The following PCDHAC1 variants were observed in gnomAD, a reference collection of about 807,000 sequenced individuals.
PCDHAC1 encodes protocadherin alpha subfamily C, 1.
Under a neutral mutation model 60.0 loss-of-function variants are expected in PCDHAC1, and 42 were observed. That is an observed-to-expected ratio of 0.70 (90% CI 0.55 to 0.90). The LOEUF (loss-of-function observed/expected upper bound fraction) is 0.90, where lower values mean the gene tolerates loss of function less well. Ranked by LOEUF, PCDHAC1 falls within the 40% of genes least tolerant of loss-of-function variation. The probability of loss-of-function intolerance (pLI) is 0.00; values close to 1 mark genes in which losing one functional copy is unlikely to be tolerated. For missense variants in PCDHAC1, 1,160 were observed against 1,222.3 expected, an observed-to-expected ratio of 0.95 and a Z score of 0.76; for synonymous variants, 468 against 499.3, an observed-to-expected ratio of 0.94 and a Z score of 0.84.
At chr5:141,002,923 C>A (rs1261794185) in intron 3 of PCDHAC1, among the ~76,000 whole-genome samples, 2 of 152,220 alleles carry the variant, frequency 1.3e-5, no homozygotes, top group Non-Finnish European at 2.9e-5. Flanking sequence ...AAAGTGAACA[C>A]CCTCCAACAC....
chr5:140,966,886 G>T, intron 1 of PCDHAC1: 1 of 1,592,132 alleles, frequency 6.3e-7, no homozygotes. Context: ...CTGGCCCTGC[G>T]GCCTCCCAGC....
chr5:140,933,429 G>A (rs2089147163), intron 1 of PCDHAC1, among the ~76,000 whole-genome samples: 1 of 151,830 alleles, frequency 6.6e-6, no homozygotes, highest in South Asian at 2.1e-4. Flanking sequence ...GTTCATAGGG[G>A]CACTCTAATG....
intron 1 of PCDHAC1, among the ~76,000 whole-genome samples, chr5:140,952,280 G>A (rs1320502466): frequency 2.0e-5 from 3 of 151,652 alleles, no homozygotes; most frequent in Non-Finnish European, 4.4e-5. Context: ...TGAGGGTGGT[G>A]GCCCTCTTCT....
rs782017107 is a variant in PCDHAC1 at position 140,968,690 on chromosome 5, A to G, written c.2434-10259A>G. ...TAAGGTAGAGCTGCACACAGGAGAAATTAGGACTACCAGGAAGATGGGAGA... is the reference window on the plus strand; with the variant it reads ...TAAGGTAGAGCTGCACACAGGAGAAGTTAGGACTACCAGGAAGATGGGAGA... On this transcript the variant is annotated intron_variant, in intron 1 of 3. Transcript: ENST00000253807. 60 of 1,614,030 alleles carry G rather than the reference A, an allele frequency of 3.7e-5. No individual in the cohort carries two copies. The highest frequency in any genetic ancestry group is 4.8e-5 in the Non-Finnish European group (57 of 1,180,040).
chr5:141,007,200 G>T (rs1437076735), intron 3 of PCDHAC1, among the ~76,000 whole-genome samples: 2 of 152,010 alleles, frequency 1.3e-5, no homozygotes, highest in Admixed American at 6.6e-5. Context: ...GATGGTGGGG[G>T]CCAGAATATG....
Position 140,978,942 on chromosome 5 carries a change from T to C in PCDHAC1, c.2434-7T>C, listed in dbSNP as rs781997267. 5 of 1,614,058 alleles carry C rather than the reference T, an allele frequency of 3.1e-6. No individual in the cohort carries two copies. The African/African-American group carries it at 6.7e-5, about 22-fold the overall frequency. ...TTTAACAGAAAACTCTCTTTGTGAT[T>C]TTGCAGCCACGACAGCCCAACCCTG... is the stretch of plus-strand genomic sequence containing the variant. On this transcript the variant is annotated splice_region_variant and splice_polypyrimidine_tract_variant and intron_variant, in intron 1 of 3. Coordinates refer to ENST00000253807, the MANE Select transcript of PCDHAC1 (RefSeq NM_018898.5).
intron 1 of PCDHAC1, among the ~76,000 whole-genome samples, chr5:140,964,981 T>C (rs2095867317): frequency 6.6e-6 from 1 of 152,188 alleles, no homozygotes; most frequent in Non-Finnish European, 1.5e-5. Context: ...ATGTGCTAGT[T>C]CAGGCCTTTG....
intron 1 of PCDHAC1, chr5:140,930,101 G>A (rs782338185): frequency 9.2e-5 from 14 of 152,094 alleles, no homozygotes; most frequent in Non-Finnish European, 1.6e-4. Context: ...TATACTGATA[G>A]GAGATCATAT....
chr5:140,989,004 CTTA>C (rs1445940440), intron 3 of PCDHAC1: 15 of 152,184 alleles, frequency 9.9e-5, no homozygotes, highest in African/African-American at 3.4e-4. Context: ...GAAATAGAGA[CTTA>C]TTATAGTTTC....
intron 1 of PCDHAC1, among the ~76,000 whole-genome samples, chr5:140,950,687 C>A (rs2153690415): frequency 6.6e-6 from 1 of 152,106 alleles, no homozygotes; most frequent in South Asian, 2.1e-4. Context: ...ATATTGTTAA[C>A]CAAATTTGAC....
intron 1 of PCDHAC1, among the ~76,000 whole-genome samples, chr5:140,944,533 AG>A (rs1276351803): frequency 6.6e-6 from 1 of 152,148 alleles, no homozygotes; most frequent in Non-Finnish European, 1.5e-5. Flanking sequence ...AAATGATTTA[AG>A]TATTTAAAGA....
intron 1 of PCDHAC1, among the ~76,000 whole-genome samples, chr5:140,953,275 C>G (rs1290645865): frequency 6.6e-6 from 1 of 152,074 alleles, no homozygotes; most frequent in African/African-American, 2.4e-5. Context: ...AGCCTTTGCT[C>G]TTTATATGTG....
intron 1 of PCDHAC1, among the ~76,000 whole-genome samples, chr5:140,940,372 A>G (rs1173605569): frequency 1.3e-5 from 2 of 151,970 alleles, no homozygotes; most frequent in Admixed American, 6.6e-5. Flanking sequence ...GTATTCCTTG[A>G]GTTGTTAATT....
chr5:140,968,008 C>T, intron 1 of PCDHAC1: 1 of 1,614,202 alleles, frequency 6.2e-7, no homozygotes, highest in Non-Finnish European at 8.5e-7. Flanking sequence ...GACTGAATGG[C>T]TTTGGAAACT....
At chr5:140,929,592 C>A in intron 1 of PCDHAC1, 1 of 424,552 alleles carries the variant, frequency 2.4e-6, no homozygotes, top group Non-Finnish European at 4.2e-6. Flanking sequence ...ACATAAAGGT[C>A]TAAAATTAAA....
In PCDHAC1 at chr5:140,927,967, AT is replaced by A; in HGVS notation, c.1077del (p.Ile359MetfsTer6). On this transcript the variant is annotated frameshift_variant, in exon 1 of 4. Coordinates refer to ENST00000253807, the MANE Select transcript of PCDHAC1 (RefSeq NM_018898.5). LOFTEE classifies it high-confidence loss of function. The stretch of plus-strand genomic sequence containing the variant: ...TGAGGACGCTGCCCCTGGCACAGTG[AT>A]TGCTCTCTTTAGTGTAAAGGATGAA... ...VPEDAAPGTV[I>X]ALFSVKDEDL... is the part of the protein sequence containing the mutation. 1 of 1,614,172 alleles carries A rather than the reference AT, an allele frequency of 6.2e-7. No individual in the cohort carries two copies. The highest frequency in any genetic ancestry group is 8.5e-7 in the Non-Finnish European group (1 of 1,180,032).
chr5:140,945,022 A>G (rs926595272), intron 1 of PCDHAC1, among the ~76,000 whole-genome samples: 2 of 152,140 alleles, frequency 1.3e-5, no homozygotes, highest in Non-Finnish European at 2.9e-5. Flanking sequence ...TTTTTTACTC[A>G]GACATAATTA....
In PCDHAC1 at chr5:140,928,845, T is replaced by C; in HGVS notation, c.1953T>C (p.Thr651=). 1 of 1,614,180 alleles carries C rather than the reference T, an allele frequency of 6.2e-7. No homozygotes were observed. Among genetic ancestry groups the C allele is most frequent in the Non-Finnish European group, 8.5e-7 (1 of 1,180,036 alleles). ...HGDPPLSSSV[T]LGVLLSNSVP... is the part of the protein sequence containing the mutation. ...ACCCACCACTTTCCTCCTCTGTCAC[T>C]CTGGGTGTGCTGTTGAGCAACTCTG... The change falls in exon 1 of 4, where the codon ACT becomes ACC. Residue 651 remains threonine (T), a synonymous_variant. Coordinates refer to ENST00000253807, the MANE Select transcript of PCDHAC1 (RefSeq NM_018898.5).
intron 3 of PCDHAC1, among the ~76,000 whole-genome samples, chr5:141,007,512 G>C (rs2098333445): frequency 6.6e-6 from 1 of 152,040 alleles, no homozygotes; most frequent in Admixed American, 6.6e-5. Context: ...AGACTGCAGT[G>C]AGCTGATATC....
Sources: gnomAD v4.1 joint callset for allele counts (sites outside exome capture counted in the v4.1 genomes callset) on GRCh38, gnomAD v4.1.1 for gene constraint, MANE v1.5 for transcripts, NCBI Gene and HGNC (gene_info 2026-07-23, HGNC 2026-07-21) for gene names.